The following CNIH3 variants were observed in gnomAD, a reference collection of about 807,000 sequenced individuals.
CNIH3 encodes the protein protein cornichon homolog 3.
A neutral mutation model predicts 24.1 loss-of-function variants in CNIH3; 14 were observed. That is an observed-to-expected ratio of 0.58 (90% CI 0.38 to 0.91). The LOEUF (loss-of-function observed/expected upper bound fraction) is 0.91, where lower values mean the gene tolerates loss of function less well. CNIH3 is among the 40% of genes least tolerant of loss of function. CNIH3 has a pLI of 0.00. For missense variants in CNIH3, 178 were observed against 196.8 expected (o/e 0.90, Z 0.57); for synonymous variants, 68 against 73.8 (o/e 0.92, Z 0.40).
chr1:224,584,110 A>T (rs150972514), intron 5 of CNIH3, among the ~76,000 whole-genome samples: 1 of 152,206 alleles, frequency 6.6e-6, no homozygotes, highest in East Asian at 1.9e-4. Flanking sequence ...TTTAAAAAGG[A>T]TATTTTTGCA....
downstream of CNIH3, among the ~76,000 whole-genome samples, chr1:224,592,571 T>C (rs1681805075): frequency 6.6e-6 from 1 of 152,202 alleles, no homozygotes; most frequent in Non-Finnish European, 1.5e-5. Context: ...GGAATATATT[T>C]CACATCTGAC....
intron 3 of CNIH3, among the ~76,000 whole-genome samples, chr1:224,560,288 T>C (rs902536125): frequency 2.0e-5 from 3 of 152,182 alleles, no homozygotes; most frequent in Admixed American, 1.3e-4. Flanking sequence ...TATTGAGTGG[T>C]AGATTTTGCA....
Position 224,617,154 on chromosome 1 carries a change from T to A in CNIH3, c.-21T>A. The A allele has an allele frequency of 6.2e-7, 1 of 1,613,112 alleles. No individual in the cohort carries two copies. The highest frequency in any genetic ancestry group is 8.5e-7 in the Non-Finnish European group (1 of 1,179,548). On this transcript the variant is annotated 5_prime_UTR_variant, in exon 1 of 6. Transcript: ENST00000272133. ...CCTAGGGGCTTCTTGGCGTGTGTGG[T>A]GGGATTGGGGTCCGCCGGCCATGGC...
intron 4 of CNIH3, among the ~76,000 whole-genome samples, chr1:224,582,442 T>C (rs1246921194): frequency 2.6e-5 from 4 of 152,144 alleles, no homozygotes; most frequent in South Asian, 2.1e-4. Flanking sequence ...TCCTCCCTAA[T>C]GTAGCTACCA....
At chr1:224,442,636 A>C (rs1270890829) in intron 1 of CNIH3, among the ~76,000 whole-genome samples, 1 of 152,174 alleles carries the variant, frequency 6.6e-6, no homozygotes, top group Non-Finnish European at 1.5e-5. Flanking sequence ...CAAGGTTGTA[A>C]GTGCTTTACA....
chr1:224,467,887 C>T (rs1676213494), intron 1 of CNIH3, among the ~76,000 whole-genome samples: 1 of 147,866 alleles, frequency 6.8e-6, no homozygotes, highest in Non-Finnish European at 1.5e-5. Flanking sequence ...TGAGGCTCTT[C>T]TTTTTTTTTC....
chr1:224,663,552 T>C (rs544991864), intron 1 of CNIH3, among the ~76,000 whole-genome samples: 1 of 152,226 alleles, frequency 6.6e-6, no homozygotes, highest in East Asian at 1.9e-4. Flanking sequence ...CAAAACATAC[T>C]TGTCCAGACA....
Position 224,630,076 on chromosome 1 carries a change from G to A in CNIH3, c.81+12821G>A, listed in dbSNP as rs137884784. 1.4e-4 allele frequency among the ~76,000 whole-genome samples: 22 copies of A among 152,278 alleles called. 2 individuals carry two copies. The East Asian group carries it at 4.1e-3, about 28-fold the overall frequency. On this transcript the variant is annotated intron_variant, in intron 1 of 5. Transcript: ENST00000272133. ...TTGTTTCTTCCAGAGGATTTCACCAGGAAGAGAGTAGCGGTGTTTCCCATG... is the reference window on the plus strand; with the variant it reads ...TTGTTTCTTCCAGAGGATTTCACCAAGAAGAGAGTAGCGGTGTTTCCCATG...
In CNIH3 at chr1:224,616,403, C is replaced by T; in HGVS notation, c.-772C>T. Reference sequence around the variant, plus strand: ...GCGTTTGGCCTGAAACCCACTGCTGCAGCCACCCGGGCTGGAGTTGGCCCG... The same window carrying T: ...GCGTTTGGCCTGAAACCCACTGCTGTAGCCACCCGGGCTGGAGTTGGCCCG... On this transcript the variant is annotated 5_prime_UTR_variant, in exon 1 of 6. Coordinates refer to ENST00000272133, the MANE Select transcript of CNIH3 (RefSeq NM_152495.2). 1.1e-6 allele frequency: 1 copy of T among 929,058 alleles called. No homozygotes were observed. Among genetic ancestry groups the T allele is most frequent in the South Asian group, 4.0e-5 (1 of 24,832 alleles). 57.6% of individuals were successfully genotyped at this position (929,058 alleles called of 1,614,324 possible). A position where few individuals can be genotyped will look rare whatever the true frequency, so the allele number is the denominator to read the frequency against.
intron 1 of CNIH3, among the ~76,000 whole-genome samples, chr1:224,641,281 G>T (rs1684346258): frequency 6.6e-6 from 1 of 152,186 alleles, no homozygotes; most frequent in Admixed American, 6.5e-5. Context: ...CTGAGGGAAT[G>T]CTCCTCCTTG....
chr1:224,510,973 T>G (rs1678128349), upstream of CNIH3, among the ~76,000 whole-genome samples: 1 of 152,180 alleles, frequency 6.6e-6, no homozygotes, highest in African/African-American at 2.4e-5. Flanking sequence ...AGATGCAAAA[T>G]GCAAGCCAGA....
At chr1:224,608,181 A>C (rs752059770) in intron 3 of CNIH3, among the ~76,000 whole-genome samples, 2 of 152,186 alleles carry the variant, frequency 1.3e-5, no homozygotes, top group Non-Finnish European at 2.9e-5. Flanking sequence ...AATAAAGTAC[A>C]TTTGAAAGAG....
chr1:224,442,013 ATTTTTTT>A (rs1167622615), intron 1 of CNIH3, among the ~76,000 whole-genome samples: 1 of 119,996 alleles, frequency 8.3e-6, no homozygotes, highest in Non-Finnish European at 1.7e-5. Context: ...GATTCCCTTA[ATTTTTTT>A]TTTTTTTTTT....
chr1:224,739,372 C>T lies in CNIH3; in HGVS notation c.*16C>T. On this transcript the variant is annotated 3_prime_UTR_variant, in exon 6 of 6. Coordinates refer to ENST00000272133, the MANE Select transcript of CNIH3 (RefSeq NM_152495.2). ...GAGCTCTTAACGCAAAGACCATGCA[C>T]ATCATCAGAGACTGAGATGGGAGAG... is the stretch of plus-strand genomic sequence containing the variant. The T allele has an allele frequency of 6.7e-7, 1 of 1,482,534 alleles. No individual in the cohort carries two copies. 91.8% of individuals were successfully genotyped at this position (1,482,534 alleles called of 1,614,324 possible).
At chr1:224,470,009 T>C (rs994428662) in intron 1 of CNIH3, among the ~76,000 whole-genome samples, 5 of 149,150 alleles carry the variant, frequency 3.4e-5, no homozygotes, top group Admixed American at 6.7e-5. Flanking sequence ...TTTCTTTCAG[T>C]TATTCTTCTT....
intron 1 of CNIH3, among the ~76,000 whole-genome samples, chr1:224,487,585 A>G (rs538786337): frequency 6.6e-6 from 1 of 152,212 alleles, no homozygotes; most frequent in Non-Finnish European, 1.5e-5. Context: ...ATCTGCAGCT[A>G]TTTAAAGGAT....
At chr1:224,439,132 G>T (rs1250860051) in intron 1 of CNIH3, among the ~76,000 whole-genome samples, 1 of 152,138 alleles carries the variant, frequency 6.6e-6, no homozygotes, top group Non-Finnish European at 1.5e-5. Flanking sequence ...TAGTCATCTG[G>T]CAGTTTTACC....
intron 1 of CNIH3, among the ~76,000 whole-genome samples, chr1:224,477,987 A>T (rs1280079516): frequency 1.3e-5 from 2 of 151,612 alleles, no homozygotes; most frequent in Non-Finnish European, 2.9e-5. Flanking sequence ...ATGTCATACC[A>T]CTCTCTCCTG....
chr1:224,446,014 C>T (rs1675148008), intron 1 of CNIH3, among the ~76,000 whole-genome samples: 1 of 152,132 alleles, frequency 6.6e-6, no homozygotes, highest in Non-Finnish European at 1.5e-5. Flanking sequence ...ATCCTTTCCC[C>T]CCTATCTTGC....
Sources: allele counts gnomAD v4.1 joint callset (sites outside exome capture counted in the v4.1 genomes callset), GRCh38; gene constraint gnomAD v4.1.1; transcripts MANE v1.5; gene names NCBI Gene and HGNC (gene_info 2026-07-23, HGNC 2026-07-21).